HCK: variants seen among roughly 807,000 people sequenced by gnomAD.
The protein encoded by HCK is tyrosine-protein kinase HCK.
In HCK, 40 loss-of-function variants were observed where a neutral mutation model predicts 70.4. The ratio of observed to expected loss-of-function variants is 0.57; its 90% CI spans 0.44 to 0.74. The LOEUF (loss-of-function observed/expected upper bound fraction) is 0.74, where lower values mean the gene tolerates loss of function less well. Ranked by LOEUF, HCK falls within the 30% of genes least tolerant of loss-of-function variation. The pLI, the probability that HCK is intolerant of heterozygous loss-of-function variation, is 0.00. For missense variants in HCK, 568 were observed against 697.2 expected (o/e 0.81, Z 2.09); for synonymous variants, 245 against 263.2 (o/e 0.93, Z 0.67).
intron 1 of HCK, among the ~76,000 whole-genome samples, chr20:32,055,431 T>G (rs930556938): frequency 6.6e-6 from 1 of 152,210 alleles, no homozygotes; most frequent in Non-Finnish European, 1.5e-5. Context: ...CTTTATGTAG[T>G]CTTTTCTATG....
At chr20:32,064,576 A>G (rs916605310) in intron 1 of HCK, among the ~76,000 whole-genome samples, 3 of 152,226 alleles carry the variant, frequency 2.0e-5, no homozygotes, top group African/African-American at 4.8e-5. Context: ...CTTGCCTAAC[A>G]TCACACAATG....
At chr20:32,068,209 A>G (rs901706065) in intron 1 of HCK, among the ~76,000 whole-genome samples, 2 of 152,076 alleles carry the variant, frequency 1.3e-5, no homozygotes, top group East Asian at 1.9e-4. Context: ...GAGACAGGAG[A>G]ATCACTTGAA....
At chr20:32,073,599 T>C in intron 3 of HCK, 117 bp from the exon 4 acceptor site, 1 of 709,000 alleles carries the variant, frequency 1.4e-6, no homozygotes, top group South Asian at 1.7e-5. Context: ...GACGCCTACT[T>C]ATACTTGGAA....
chr20:32,066,025 G>A (rs1262891516), intron 1 of HCK, among the ~76,000 whole-genome samples: 1 of 152,158 alleles, frequency 6.6e-6, no homozygotes, highest in Admixed American at 6.5e-5. Context: ...TCCCCTGTGA[G>A]GTTGAGGCTG....
chr20:32,087,788 C>T lies in HCK; in HGVS notation c.1016-780C>T, dbSNP rs140539414. ...TCCCAAGTAGCTGGGACTACAGGTG[C>T]CTGCCACCATGCCTGGCCAATTTTT... On this transcript the variant is annotated intron_variant, in intron 9 of 12. Transcript: ENST00000375852. Among the ~76,000 whole-genome samples the T allele has an allele frequency of 9.4e-3, 1,424 of 152,174 alleles. 26 individuals are homozygous for T. The highest frequency in any genetic ancestry group is 0.033 in the African/African-American group (1,359 of 41,508).
intron 2 of HCK, among the ~76,000 whole-genome samples, chr20:32,072,969 A>G (rs1324343033): frequency 6.6e-6 from 1 of 152,042 alleles, no homozygotes; most frequent in African/African-American, 2.4e-5. Context: ...GCATGGTGGC[A>G]TGCGCCTGTA....
At chr20:32,080,737 T>G (rs1328798034) in intron 6 of HCK, among the ~76,000 whole-genome samples, 3 of 152,146 alleles carry the variant, frequency 2.0e-5, no homozygotes, top group African/African-American at 7.2e-5. Context: ...GCCTCGAACT[T>G]CTGGACTCAA....
chr20:32,073,258 C>T, intron 2 of HCK, 61 bp from the exon 3 acceptor site: 1 of 1,440,980 alleles, frequency 6.9e-7, no homozygotes, highest in Non-Finnish European at 9.7e-7. Context: ...TCAACACAGA[C>T]CTTCCACGGG....
intron 2 of HCK, among the ~76,000 whole-genome samples, 183 bp from the exon 3 acceptor site, chr20:32,073,136 T>A (rs1465313976): frequency 6.6e-6 from 1 of 152,192 alleles, no homozygotes; most frequent in East Asian, 1.9e-4. Context: ...GACCATTTTG[T>A]TTGCTGGCTC....
chr20:32,086,767 C>T lies in HCK; in HGVS notation c.975C>T (p.Thr325=). 1 of 1,598,352 alleles carries T rather than the reference C, an allele frequency of 6.3e-7. No individual in the cohort carries two copies. The highest frequency in any genetic ancestry group is 8.5e-7 in the Non-Finnish European group (1 of 1,172,156). Reference sequence around the variant, plus strand: ...TGGTCAAACTTCATGCGGTGGTCACCAAGGAGCCCATCTACATCATCACGG... The same window carrying T: ...TGGTCAAACTTCATGCGGTGGTCACTAAGGAGCCCATCTACATCATCACGG... Residue 325 remains threonine (T), a synonymous_variant, in exon 9 of 13, where the codon ACC becomes ACT. Coordinates refer to ENST00000375852, the MANE Select transcript of HCK (RefSeq NM_002110.5).
intron 11 of HCK, 83 bp from the exon 12 acceptor site, chr20:32,098,921 C>T: frequency 6.7e-7 from 1 of 1,489,156 alleles, no homozygotes; most frequent in Non-Finnish European, 9.2e-7. Context: ...GCAGCTCTTG[C>T]CCTTGCCTGT....
At chr20:32,073,511 G>A (rs907707212) in intron 3 of HCK, 150 bp downstream of exon 3, 1 of 713,396 alleles carries the variant, frequency 1.4e-6, no homozygotes, top group Non-Finnish European at 2.4e-6. Flanking sequence ...GCAGGCTATT[G>A]TGTTTCTAGA....
intron 1 of HCK, chr20:32,069,804 C>G (rs1261420017): frequency 8.1e-7 from 1 of 1,240,334 alleles, no homozygotes; most frequent in Non-Finnish European, 1.0e-6. Flanking sequence ...AGTAACTCAT[C>G]TAAGCCTAGG....
At chr20:32,069,207 T>C (rs1271367267) in intron 1 of HCK, among the ~76,000 whole-genome samples, 1 of 152,214 alleles carries the variant, frequency 6.6e-6, no homozygotes, top group Non-Finnish European at 1.5e-5. Context: ...CCCTATGAGG[T>C]AGAACCCTTG....
At chr20:32,063,276 A>G (rs762618358) in intron 1 of HCK, among the ~76,000 whole-genome samples, 4 of 152,122 alleles carry the variant, frequency 2.6e-5, no homozygotes, top group Non-Finnish European at 5.9e-5. Context: ...TTTTTTTGAA[A>G]CATTCTTGCT....
rs1388833820 is a variant in HCK, at chr20:32,094,795, A to AAGAAAGACAGAGAAAG, written c.1246+786_1246+787insCAGAGAAAGAGAAAGA. Among the ~76,000 whole-genome samples the AAGAAAGACAGAGAAAG allele has an allele frequency of 2.7e-3, 62 of 22,988 alleles. 4 individuals are homozygous for AAGAAAGACAGAGAAAG. The highest frequency in any genetic ancestry group is 5.6e-3 in the African/African-American group (59 of 10,608). The allele number at this position is 22,988 out of a possible 152,430, so 15.1% of individuals were successfully genotyped here. ...AAAGAAAGAGAGAGAAAGAGAAAGA[A>AAGAAAGACAGAGAAAG]AGAAAGAAAGAAAGAAAGAAAGAAA... is the stretch of plus-strand genomic sequence containing the variant. On this transcript the variant is annotated intron_variant, in intron 11 of 12. Transcript: ENST00000375852.
At chr20:32,076,385 G>A (rs2045626524) in intron 5 of HCK, among the ~76,000 whole-genome samples, 1 of 152,034 alleles carries the variant, frequency 6.6e-6, no homozygotes, top group Admixed American at 6.6e-5. Flanking sequence ...GCTCTTAGCT[G>A]TTTCTCTCTC....
At chr20:32,089,751 G>C (rs775912662) in intron 10 of HCK, among the ~76,000 whole-genome samples, 2 of 152,258 alleles carry the variant, frequency 1.3e-5, no homozygotes, top group African/African-American at 2.4e-5. Context: ...GGTGGTATTA[G>C]AGTGCATAGC....
intron 11 of HCK, among the ~76,000 whole-genome samples, chr20:32,095,724 A>T (rs1293302055): frequency 6.6e-6 from 1 of 152,218 alleles, no homozygotes; most frequent in Non-Finnish European, 1.5e-5. Context: ...CCACGGAATT[A>T]TACACTTTAA....
Sources: allele counts gnomAD v4.1 joint callset (sites outside exome capture counted in the v4.1 genomes callset), GRCh38; gene constraint gnomAD v4.1.1; transcripts MANE v1.5; gene names NCBI Gene and HGNC (gene_info 2026-07-23, HGNC 2026-07-21).